The following METTL15 variants were observed in gnomAD, a reference collection of about 807,000 sequenced individuals.
The protein encoded by METTL15 is 12S rRNA N(4)-cytidine methyltransferase METTL15.
METTL15 carries 34 observed loss-of-function variants against 38.3 expected under a neutral mutation model. The ratio of observed to expected loss-of-function variants is 0.89; its 90% CI spans 0.68 to 1.18. The LOEUF is 1.18. Among genes scored for constraint, METTL15 ranks in the 50% most tolerant of loss-of-function variants. The pLI, the probability that METTL15 is intolerant of heterozygous loss-of-function variation, is 0.00. For synonymous variants in METTL15, 162 were observed against 170.9 expected (o/e 0.95, Z 0.41); for missense variants, 438 against 498.4 (o/e 0.88, Z 1.15).
At chr11:28,399,298 TC>T (rs1318653996) in intron 5 of METTL15, among the ~76,000 whole-genome samples, 5 of 151,876 alleles carry the variant, frequency 3.3e-5, no homozygotes, top group Admixed American at 6.6e-5. Context: ...AAAAATTAAC[TC>T]AAGATGGATT....
chr11:28,372,843 C>A (rs1039953120), intron 5 of METTL15, among the ~76,000 whole-genome samples: 12 of 136,324 alleles, frequency 8.8e-5, no homozygotes, highest in African/African-American at 3.3e-4. Flanking sequence ...TTGTTCAATT[C>A]CCACCTATGA....
At chr11:28,465,407 C>G (rs1359604097) in intron 6 of METTL15, among the ~76,000 whole-genome samples, 1 of 152,092 alleles carries the variant, frequency 6.6e-6, no homozygotes, top group East Asian at 1.9e-4. Flanking sequence ...CTTCAATTGA[C>G]TTCCATATCC....
intron 6 of METTL15, among the ~76,000 whole-genome samples, chr11:28,441,804 G>T (rs903180108): frequency 3.9e-5 from 6 of 152,072 alleles, no homozygotes; most frequent in African/African-American, 1.2e-4. Context: ...ATGCCATTTA[G>T]CTTGGTACTT....
intron 5 of METTL15, among the ~76,000 whole-genome samples, chr11:28,394,685 C>G (rs540738899): frequency 4.6e-5 from 7 of 152,094 alleles, no homozygotes; most frequent in Admixed American, 4.6e-4. Flanking sequence ...CATAAAGATA[C>G]TAATGATTCT....
chr11:28,501,892 G>A (rs1851586389), intron 6 of METTL15, among the ~76,000 whole-genome samples: 1 of 152,154 alleles, frequency 6.6e-6, no homozygotes, highest in Admixed American at 6.5e-5. Context: ...GAAGTCAGGA[G>A]ATCGAGACTA....
intron 4 of METTL15, among the ~76,000 whole-genome samples, chr11:28,219,108 T>C (rs957062392): frequency 6.6e-6 from 1 of 152,208 alleles, no homozygotes; most frequent in Non-Finnish European, 1.5e-5. Context: ...CTTTTTCTAT[T>C]GATTGGAATA....
chr11:28,290,243 G>A lies in METTL15; in HGVS notation c.445G>A (p.Ala149Thr), dbSNP rs11823114. ...AGCTATGCTGGGCCAGTTCAGCCAG[G>A]CAGAAGCCTTATTAATGAAAGCTGG... is the stretch of plus-strand genomic sequence containing the variant. The part of the protein sequence containing the change: ...IRAMLGQFSQ[A>T]EALLMKAGVQ... The change falls in exon 5 of 7, where the codon GCA becomes ACA. Residue 149 changes from alanine (A) to threonine (T), a missense_variant. Coordinates refer to ENST00000407364, the MANE Select transcript of METTL15 (RefSeq NM_001113528.2). 4.3e-3 allele frequency: 6,886 copies of A among 1,612,844 alleles called. 227 individuals are homozygous for A. In the African/African-American group the frequency reaches 0.077, roughly 18 times the overall value.
At chr11:28,161,824 TG>T (rs1258991622) in intron 3 of METTL15, among the ~76,000 whole-genome samples, 1 of 152,102 alleles carries the variant, frequency 6.6e-6, no homozygotes, top group Admixed American at 6.6e-5. Flanking sequence ...GCACTGTTGA[TG>T]GAAATACTAA....
rs139586220 is a variant in METTL15, at chr11:28,282,313, G to A, written c.408-7893G>A. On this transcript the variant is annotated intron_variant, in intron 4 of 6. Transcript: ENST00000407364. ...GTACTGTCAATCACCAACCGACACT[G>A]CATGTTTCTCTTAGTGCTTTTAAAA... 2.7e-3 allele frequency among the ~76,000 whole-genome samples: 409 copies of A among 152,152 alleles called. 8 individuals are homozygous for A. The highest frequency in any genetic ancestry group is 0.023 in the Admixed American group (346 of 15,286).
At chr11:28,466,698 C>T (rs1008995892) in intron 6 of METTL15, among the ~76,000 whole-genome samples, 6 of 152,216 alleles carry the variant, frequency 3.9e-5, no homozygotes, top group Non-Finnish European at 8.8e-5. Context: ...ACTCCACAGT[C>T]TCATTTACCC....
chr11:28,202,739 G>A (rs1027720380), intron 3 of METTL15, among the ~76,000 whole-genome samples: 9 of 151,962 alleles, frequency 5.9e-5, no homozygotes, highest in South Asian at 2.1e-4. Flanking sequence ...ATTCAAATTA[G>A]CAATTGCCAG....
intron 5 of METTL15, among the ~76,000 whole-genome samples, chr11:28,386,787 C>A (rs1330030084): frequency 6.6e-6 from 1 of 151,874 alleles, no homozygotes. Flanking sequence ...AGAACATTCT[C>A]CAAAATAGAT....
At chr11:28,173,707 T>G (rs1366644917) in intron 3 of METTL15, among the ~76,000 whole-genome samples, 1 of 152,226 alleles carries the variant, frequency 6.6e-6, no homozygotes, top group Non-Finnish European at 1.5e-5. Context: ...TGTTCCAGGA[T>G]CACATCCAGG....
intron 6 of METTL15, among the ~76,000 whole-genome samples, chr11:28,322,739 T>G (rs1849512306): frequency 6.6e-6 from 1 of 152,178 alleles, no homozygotes; most frequent in South Asian, 2.1e-4. Context: ...TTCTGCTATG[T>G]AGGATTATAA....
intron 4 of METTL15, among the ~76,000 whole-genome samples, chr11:28,238,024 C>A (rs995926677): frequency 6.6e-6 from 1 of 152,176 alleles, no homozygotes; most frequent in African/African-American, 2.4e-5. Flanking sequence ...CTGGAGGGTG[C>A]CTCCCAGTTA....
At chr11:28,162,176 G>A (rs1047614216) in intron 3 of METTL15, among the ~76,000 whole-genome samples, 6 of 152,050 alleles carry the variant, frequency 3.9e-5, no homozygotes, top group Non-Finnish European at 8.8e-5. Context: ...TAGTAGTAGA[G>A]TTTGGATAGA....
At chr11:28,302,467 A>G (rs1856945595) in intron 6 of METTL15, among the ~76,000 whole-genome samples, 1 of 152,144 alleles carries the variant, frequency 6.6e-6, no homozygotes, top group South Asian at 2.1e-4. Context: ...AGATGATTGA[A>G]TCATGGGAAC....
intron 6 of METTL15, among the ~76,000 whole-genome samples, chr11:28,448,785 AC>A (rs1851095683): frequency 6.6e-6 from 1 of 151,836 alleles, no homozygotes; most frequent in Non-Finnish European, 1.5e-5. Flanking sequence ...CAGTTCCCCC[AC>A]CCCACCACCA....
At chr11:28,166,984 A>G (rs1056461360) in intron 3 of METTL15, among the ~76,000 whole-genome samples, 2 of 152,116 alleles carry the variant, frequency 1.3e-5, no homozygotes, top group African/African-American at 4.8e-5. Flanking sequence ...ATGAAAATGC[A>G]TATTTCATCT....
Sources: allele counts gnomAD v4.1 joint callset (sites outside exome capture counted in the v4.1 genomes callset), GRCh38; gene constraint gnomAD v4.1.1; transcripts MANE v1.5; gene names NCBI Gene and HGNC (gene_info 2026-07-23, HGNC 2026-07-21).